The following IGF1R variants were observed in gnomAD, a reference collection of about 807,000 sequenced individuals.
IGF1R encodes insulin-like growth factor 1 receptor.
In IGF1R, 44 loss-of-function variants were observed where a neutral mutation model predicts 144.6. The observed-to-expected ratio is 0.30, with a 90% CI of 0.24 to 0.39. The LOEUF (loss-of-function observed/expected upper bound fraction) is 0.39. IGF1R is among the 10% of genes least tolerant of loss of function. The pLI is 1.00. For missense variants in IGF1R, 1,355 were observed against 1,833.7 expected (o/e 0.74, Z 4.77); for synonymous variants, 795 against 722.8 (o/e 1.10, Z -1.60).
At chr15:98,899,765 G>A in intron 5 of IGF1R, 144 bp downstream of exon 5, 1 of 811,324 alleles carries the variant, frequency 1.2e-6, no homozygotes, top group South Asian at 1.4e-5. Flanking sequence ...TGCTGCTCGA[G>A]TAGGTCTTGG....
intron 2 of IGF1R, among the ~76,000 whole-genome samples, chr15:98,784,903 C>T (rs550773640): frequency 4.4e-4 from 67 of 152,180 alleles, no homozygotes; most frequent in Non-Finnish European, 8.2e-4. Context: ...ATTTTGTATC[C>T]GTGGGAGTCC....
intron 5 of IGF1R, among the ~76,000 whole-genome samples, chr15:98,907,574 C>G (rs1434873703): frequency 6.6e-6 from 1 of 152,232 alleles, no homozygotes; most frequent in Non-Finnish European, 1.5e-5. Context: ...CCATGGGGAT[C>G]AGGCCCATCA....
At position 98,742,910 on chromosome 15, in the gene IGF1R, G is replaced by T. The variant is rs139477560; in HGVS notation, c.640+34803G>T. On this transcript the variant is annotated intron_variant, in intron 2 of 20. Transcript: ENST00000650285. The stretch of plus-strand genomic sequence containing the variant: ...GAATTAGCCAGGCTTGGTGGTGGGT[G>T]CCTGTAATCCCAGCTTCTCGGGAGG... Among the ~76,000 whole-genome samples, 146 of 152,182 alleles carry T rather than the reference G, an allele frequency of 9.6e-4. 1 individual carries two copies. Among genetic ancestry groups the T allele is most frequent in the African/African-American group, 3.5e-3 (144 of 41,536 alleles).
At chr15:98,868,477 T>C (rs1238305423) in intron 2 of IGF1R, among the ~76,000 whole-genome samples, 1 of 151,498 alleles carries the variant, frequency 6.6e-6, no homozygotes, top group East Asian at 2.0e-4. Context: ...CTTGGCAAGA[T>C]ACAGCCTCTT....
At chr15:98,916,212 A>C in intron 9 of IGF1R, 81 bp downstream of exon 9, 1 of 1,314,094 alleles carries the variant, frequency 7.6e-7, no homozygotes, top group Non-Finnish European at 1.1e-6. Context: ...CTAATATTAC[A>C]CGTATCAGAC....
At position 98,661,956 on chromosome 15, in the gene IGF1R, C is replaced by CTTTTTTTTTT. The variant is rs869208651; in HGVS notation, c.94+12298_94+12307dup. 7.0e-4 allele frequency among the ~76,000 whole-genome samples: 74 copies of CTTTTTTTTTT among 105,708 alleles called. 5 individuals carry two copies. Among genetic ancestry groups the CTTTTTTTTTT allele is most frequent in the African/African-American group, 2.2e-3 (49 of 22,336 alleles). 69.3% of individuals were successfully genotyped at this position (105,708 alleles called of 152,430 possible). ...GAATTGCTGCCAGTTGAATAGGGCC[C>CTTTTTTTTTT]TTTTTTTTTTTTTTTTTTTTTTTTT... On this transcript the variant is annotated intron_variant, in intron 1 of 20. Transcript: ENST00000650285.
intron 5 of IGF1R, 32 bp downstream of exon 5, chr15:98,899,653 C>CT (rs765494154): frequency 5.0e-6 from 8 of 1,608,152 alleles, no homozygotes; most frequent in Non-Finnish European, 6.8e-6. Flanking sequence ...AGCTGACGTT[C>CT]TATTACAAAA....
chr15:98,662,757 G>T lies in IGF1R; in HGVS notation c.94+13082G>T, dbSNP rs190589028. 6.5e-3 allele frequency among the ~76,000 whole-genome samples: 983 copies of T among 152,240 alleles called. 3 individuals are homozygous for T. Among genetic ancestry groups the T allele is most frequent in the Middle Eastern group, 0.014 (4 of 294 alleles). ...GCTTTAAGGAGGATGTCTGACTTTA[G>T]TGTGCCCTAAATATTTGACTCTCAA... On this transcript the variant is annotated intron_variant, in intron 1 of 20. Transcript: ENST00000650285.
intron 2 of IGF1R, among the ~76,000 whole-genome samples, chr15:98,851,560 G>T: frequency 6.6e-6 from 1 of 151,996 alleles, no homozygotes; most frequent in South Asian, 2.1e-4. Context: ...AGAATCTCTG[G>T]ACTCTGGCTC....
intron 2 of IGF1R, among the ~76,000 whole-genome samples, chr15:98,742,054 C>T (rs1261809058): frequency 2.6e-5 from 4 of 152,140 alleles, no homozygotes; most frequent in Non-Finnish European, 4.4e-5. Flanking sequence ...TTGACTTAGC[C>T]CTTTAAGAAT....
chr15:98,756,540 C>CT (rs1323400602), intron 2 of IGF1R, among the ~76,000 whole-genome samples: 3 of 151,558 alleles, frequency 2.0e-5, no homozygotes, highest in African/African-American at 7.3e-5. Flanking sequence ...TCTTTTTTTG[C>CT]TTTTTTCCCC....
intron 2 of IGF1R, among the ~76,000 whole-genome samples, chr15:98,812,556 C>A (rs543064938): frequency 6.6e-6 from 1 of 151,988 alleles, no homozygotes; most frequent in South Asian, 2.1e-4. Flanking sequence ...TGGGGTTTTG[C>A]CATATTGGCC....
intron 20 of IGF1R, among the ~76,000 whole-genome samples, chr15:98,951,425 ATTC>A (rs768527891): frequency 1.3e-5 from 2 of 152,244 alleles, no homozygotes; most frequent in Non-Finnish European, 2.9e-5. Flanking sequence ...CAGTATAGAA[ATTC>A]TTCTTCTCCC....
chr15:98,700,494 A>C (rs1340878864), intron 1 of IGF1R, among the ~76,000 whole-genome samples: 1 of 151,890 alleles, frequency 6.6e-6, no homozygotes, highest in Admixed American at 6.6e-5. Flanking sequence ...CATCAGCATC[A>C]CCTGGGTGCA....
In IGF1R at chr15:98,939,350, C is replaced by G. The variant is rs1400426767; in HGVS notation, c.3447C>G (p.Val1149=). 20 of 1,613,986 alleles carry G rather than the reference C, an allele frequency of 1.2e-5. No individual in the cohort carries two copies. Among genetic ancestry groups the G allele is most frequent in the Non-Finnish European group, 1.5e-5 (18 of 1,180,022 alleles). ...RNCMVAEDFT[V]KIGDFGMTRD... ...GCATGGTAGCCGAAGATTTCACAGT[C>G]AAAATCGGAGGTGTGTCCTTAGCTT... is the stretch of plus-strand genomic sequence containing the variant. Residue 1149 remains valine (V), a synonymous_variant, in exon 18 of 21, where the codon GTC becomes GTG. Coordinates refer to ENST00000650285, the MANE Select transcript of IGF1R (RefSeq NM_000875.5).
At chr15:98,868,371 G>T (rs56234353) in intron 2 of IGF1R, among the ~76,000 whole-genome samples, 841 of 18,418 alleles carry the variant, frequency 0.046, 5 homozygotes, top group East Asian at 0.21. Context: ...TTTTTTTTTT[G>T]GGGGGGGGGT....
chr15:98,655,537 T>TA (rs1284644208), intron 1 of IGF1R, among the ~76,000 whole-genome samples: 1 of 152,176 alleles, frequency 6.6e-6, no homozygotes, highest in Non-Finnish European at 1.5e-5. Flanking sequence ...GTTGAGTACT[T>TA]ACTGGATGCA....
intron 2 of IGF1R, among the ~76,000 whole-genome samples, chr15:98,856,980 G>C (rs2011854397): frequency 6.6e-6 from 1 of 151,870 alleles, no homozygotes; most frequent in Non-Finnish European, 1.5e-5. Context: ...CCTTTCTCCT[G>C]TAAATGACCC....
At chr15:98,831,951 A>C (rs1363862285) in intron 2 of IGF1R, among the ~76,000 whole-genome samples, 2 of 152,084 alleles carry the variant, frequency 1.3e-5, no homozygotes, top group Non-Finnish European at 2.9e-5. Context: ...TTCAGAGAAC[A>C]GCCTTGTCCT....
Sources: allele counts gnomAD v4.1 joint callset (sites outside exome capture counted in the v4.1 genomes callset), GRCh38; gene constraint gnomAD v4.1.1; transcripts MANE v1.5; gene names NCBI Gene and HGNC (gene_info 2026-07-23, HGNC 2026-07-21).